Variants in ARHGEF16 observed in about 807,000 individuals in gnomAD.
ARHGEF16 encodes Rho guanine exchange factor (GEF) 16.
Under a neutral mutation model 74.1 loss-of-function variants are expected in ARHGEF16, and 59 were observed. The ratio of observed to expected loss-of-function variants is 0.80; its 90% confidence interval spans 0.65 to 0.99. ARHGEF16 has a LOEUF of 0.99. ARHGEF16 is among the 50% of genes least tolerant of loss of function. The pLI, the probability that ARHGEF16 is intolerant of heterozygous loss-of-function variation, is 0.00. For synonymous variants in ARHGEF16, 415 were observed against 412.6 expected, an observed-to-expected ratio of 1.01 and a Z score of -0.07; for missense variants, 948 against 986.6, an observed-to-expected ratio of 0.96 and a Z score of 0.52.
intron 4 of ARHGEF16, chr1:3,468,583 A>C: frequency 2.3e-6 from 1 of 436,348 alleles, no homozygotes; most frequent in Non-Finnish European, 4.3e-6. Flanking sequence ...CTGTGGGACA[A>C]GATCCCCCCC....
Position 3,477,757 on chromosome 1 carries a change from G to T in ARHGEF16, c.1474-118G>T, listed in dbSNP as rs1435660957. Reference sequence around the variant, plus strand: ...AGCCAGCTGGTCACCCAGTCCAGAGGCAGGAGTCAGTCCCACCTGGTGCTA... The same window carrying T: ...AGCCAGCTGGTCACCCAGTCCAGAGTCAGGAGTCAGTCCCACCTGGTGCTA... On this transcript the variant is annotated intron_variant, in intron 10 of 14. Transcript: ENST00000378378. The T allele has an allele frequency of 1.5e-5, 14 of 923,314 alleles. No homozygotes were observed. In the South Asian group the frequency reaches 2.2e-4, roughly 14 times the overall value. 57.2% of individuals were successfully genotyped at this position (923,314 alleles called of 1,614,324 possible). A position where few individuals can be genotyped will look rare whatever the true frequency, so the allele number is the denominator to read the frequency against.
chr1:3,463,063 C>A lies in ARHGEF16; in HGVS notation c.-19-3C>A. On this transcript the variant is annotated splice_region_variant and splice_polypyrimidine_tract_variant and intron_variant, in intron 1 of 14. Coordinates refer to ENST00000378378, the MANE Select transcript of ARHGEF16 (RefSeq NM_014448.4). ...CGAGACCTCACTTCTGCCCTTCCCCCAGGACCCCACAGCCGCCCAGCATGG... is the reference window on the plus strand; with the variant it reads ...CGAGACCTCACTTCTGCCCTTCCCCAAGGACCCCACAGCCGCCCAGCATGG... The A allele has an allele frequency of 6.9e-7, 1 of 1,445,204 alleles. No homozygotes were observed. The highest frequency in any genetic ancestry group is 2.4e-4 in the Middle Eastern group (1 of 4,196). The allele number at this position is 1,445,204 out of a possible 1,614,324, so 89.5% of individuals were successfully genotyped here. A position where few individuals can be genotyped will look rare whatever the true frequency, so the allele number is the denominator to read the frequency against.
chr1:3,457,526 G>C (rs747482125), intron 1 of ARHGEF16, among the ~76,000 whole-genome samples: 2 of 152,238 alleles, frequency 1.3e-5, no homozygotes, highest in Non-Finnish European at 2.9e-5. Flanking sequence ...CTGGAGGCAC[G>C]GGGCTGGCGC....
At chr1:3,460,162 G>T (rs1327425785) in intron 1 of ARHGEF16, among the ~76,000 whole-genome samples, 4 of 152,218 alleles carry the variant, frequency 2.6e-5, no homozygotes, top group African/African-American at 9.6e-5. Flanking sequence ...CTCTCTGTTA[G>T]GCCTGTGGGT....
chr1:3,469,110 C>T (rs1303521458), intron 5 of ARHGEF16, among the ~76,000 whole-genome samples, 174 bp downstream of exon 5: 2 of 152,148 alleles, frequency 1.3e-5, no homozygotes, highest in African/African-American at 2.4e-5. Flanking sequence ...CTTCCACCTG[C>T]GCCAGGCCCT....
In ARHGEF16 at chr1:3,479,909, G is replaced by A. The variant is rs1640008831; in HGVS notation, c.1986G>A (p.Glu662=). The change falls in exon 14 of 15, where the codon GAG becomes GAA. Residue 662 remains glutamate, a synonymous_variant. Transcript: ENST00000378378. ...QADVVLVLQQ[E]DGWLYGERLR... ...ACGTGGTCCTGGTTCTGCAGCAGGA[G>A]GATGGTGAGTGCAGGGGCGTTGGGC... 1 of 1,612,084 alleles carries A rather than the reference G, an allele frequency of 6.2e-7. No homozygotes were observed. The highest frequency in any genetic ancestry group is 8.5e-7 in the Non-Finnish European group (1 of 1,179,896).
chr1:3,479,629 C>A, intron 13 of ARHGEF16, 39 bp downstream of exon 13: 1 of 1,599,240 alleles, frequency 6.3e-7, no homozygotes, highest in East Asian at 2.3e-5. Context: ...GGCCCTCTGC[C>A]GTGGCTGGCA....
intron 1 of ARHGEF16, among the ~76,000 whole-genome samples, chr1:3,460,910 G>A (rs1056101837): frequency 3.3e-5 from 5 of 152,162 alleles, no homozygotes; most frequent in Admixed American, 1.3e-4. Flanking sequence ...TTGTGTCCTG[G>A]GAGAGTTTGG....
In ARHGEF16 at chr1:3,478,184, G is replaced by A. The variant is rs982439046; in HGVS notation, c.1625+158G>A. ...CACATGCTCTACGTGACACTCGGGG[G>A]CAGGTGGCGCTCGCTGTGCAGCCTC... On this transcript the variant is annotated intron_variant, in intron 11 of 14. Transcript: ENST00000378378. 1.5e-5 allele frequency: 17 copies of A among 1,101,756 alleles called. No individual in the cohort carries two copies. In the South Asian group the frequency reaches 1.8e-4, roughly 12 times the overall value. 68.2% of individuals were successfully genotyped at this position (1,101,756 alleles called of 1,614,324 possible). A position where few individuals can be genotyped will look rare whatever the true frequency, so the allele number is the denominator to read the frequency against.
intron 1 of ARHGEF16, among the ~76,000 whole-genome samples, chr1:3,461,751 C>T (rs562227864): frequency 6.6e-5 from 10 of 152,316 alleles, no homozygotes; most frequent in East Asian, 1.9e-4. Context: ...GAGGCCGTGT[C>T]GGCTGGGGGC....
intron 1 of ARHGEF16, among the ~76,000 whole-genome samples, chr1:3,455,999 C>T (rs911880748): frequency 3.3e-4 from 50 of 152,162 alleles, no homozygotes; most frequent in African/African-American, 1.2e-3. Context: ...AAGGTAGGCA[C>T]TCCTCACCCA....
intron 1 of ARHGEF16, among the ~76,000 whole-genome samples, 151 bp from the exon 2 acceptor site, chr1:3,462,915 G>T (rs1248193498): frequency 3.3e-5 from 5 of 152,172 alleles, no homozygotes; most frequent in Non-Finnish European, 7.3e-5. Context: ...CTGATCCACT[G>T]TGCTCCTGGC....
intron 1 of ARHGEF16, among the ~76,000 whole-genome samples, chr1:3,458,349 G>C (rs1639312258): frequency 6.6e-6 from 1 of 152,258 alleles, no homozygotes; most frequent in Non-Finnish European, 1.5e-5. Flanking sequence ...CCACGTGGCT[G>C]CTGCAGGAAA....
chr1:3,468,299 G>A (rs1639604640), intron 4 of ARHGEF16, among the ~76,000 whole-genome samples: 1 of 152,204 alleles, frequency 6.6e-6, no homozygotes, highest in African/African-American at 2.4e-5. Flanking sequence ...AGCAGAGCAC[G>A]AATCAGGGTG....
Position 3,477,916 on chromosome 1 carries a change from C to A in ARHGEF16, c.1515C>A (p.Arg505=), listed in dbSNP as rs112078338. 5 of 1,612,550 alleles carry A rather than the reference C, an allele frequency of 3.1e-6. No homozygotes were observed. Among genetic ancestry groups the A allele is most frequent in the East Asian group, 2.2e-5 (1 of 44,876 alleles). ...CTGCCTCCCGGTGGCTGCTGAAGCG[C>A]GGAGAGCTGTTCTTAGTGGAAGAAA... The part of the protein sequence containing the change: ...LISASRWLLK[R]GELFLVEETG... Residue 505 remains arginine, a synonymous_variant, in exon 11 of 15, where the codon CGC becomes CGA. Coordinates refer to ENST00000378378, the MANE Select transcript of ARHGEF16 (RefSeq NM_014448.4).
Position 3,479,574 on chromosome 1 carries a change from C to A in ARHGEF16, c.1872C>A (p.Gly624=). The change falls in exon 13 of 15, where the codon GGC becomes GGA. Residue 624 remains glycine (G), a synonymous_variant. Coordinates refer to ENST00000378378, the MANE Select transcript of ARHGEF16 (RefSeq NM_014448.4). ...ALTHSERQWQ[G]LSSKGDLPQV... ...CACACAGTGAGAGACAGTGGCAGGG[C>A]CTCTCCAGCAAAGGAGGTGAGTGCG... 6.2e-7 allele frequency: 1 copy of A among 1,611,836 alleles called. No individual in the cohort carries two copies. The highest frequency in any genetic ancestry group is 8.5e-7 in the Non-Finnish European group (1 of 1,179,596).
intron 6 of ARHGEF16, among the ~76,000 whole-genome samples, chr1:3,470,513 G>A (rs867512355): frequency 6.6e-6 from 1 of 151,816 alleles, no homozygotes; most frequent in Admixed American, 6.6e-5. Context: ...AGGCAGGGAT[G>A]TGTGTGCGTG....
intron 4 of ARHGEF16, among the ~76,000 whole-genome samples, chr1:3,467,573 G>C (rs954886558): frequency 2.0e-5 from 3 of 152,204 alleles, no homozygotes; most frequent in African/African-American, 7.2e-5. Flanking sequence ...GCGTGCGAGG[G>C]CCAGCCCTGC....
chr1:3,474,834 T>A, intron 9 of ARHGEF16, 52 bp downstream of exon 9: 1 of 1,528,046 alleles, frequency 6.5e-7, no homozygotes, highest in Non-Finnish European at 9.0e-7. Context: ...CCCGACCCTG[T>A]CCCCACCCAA....
Sources: gnomAD v4.1 joint callset for allele counts (sites outside exome capture counted in the v4.1 genomes callset) on GRCh38, gnomAD v4.1.1 for gene constraint, MANE v1.5 for transcripts, NCBI Gene and HGNC (gene_info 2026-07-23, HGNC 2026-07-21) for gene names.